The following GRIK4 variants were observed in gnomAD, a reference collection of about 807,000 sequenced individuals.
The protein encoded by GRIK4 is glutamate receptor ionotropic, kainate 4.
A neutral mutation model predicts 104.9 loss-of-function variants in GRIK4; 40 were observed. That is an observed-to-expected ratio of 0.38 (90% confidence interval 0.30 to 0.50). The LOEUF (loss-of-function observed/expected upper bound fraction) is 0.50. GRIK4 is among the 20% of genes least tolerant of loss of function. The probability of loss-of-function intolerance (pLI) is 0.93; values close to 1 mark genes in which losing one functional copy is unlikely to be tolerated. For synonymous variants in GRIK4, 485 were observed against 524.9 expected, an observed-to-expected ratio of 0.92 and a Z score of 1.04; for missense variants, 1,047 against 1,308.1, an observed-to-expected ratio of 0.80 and a Z score of 3.08.
At chr11:120,853,605 A>G (rs1186217646) in intron 8 of GRIK4, among the ~76,000 whole-genome samples, 3 of 152,248 alleles carry the variant, frequency 2.0e-5, no homozygotes, top group African/African-American at 7.2e-5. Context: ...GGGAGGATGC[A>G]TTCTAAATTC....
At chr11:120,955,417 C>T (rs559127518) in intron 15 of GRIK4, among the ~76,000 whole-genome samples, 8 of 152,366 alleles carry the variant, frequency 5.3e-5, no homozygotes, top group Admixed American at 3.9e-4. Context: ...AGGCCGAGTG[C>T]AGGACGGGAA....
chr11:120,554,707 C>T (rs1424180436), intron 1 of GRIK4, among the ~76,000 whole-genome samples: 1 of 152,082 alleles, frequency 6.6e-6, no homozygotes, highest in Non-Finnish European at 1.5e-5. Context: ...TACAGACGCC[C>T]GCCACCATGC....
At chr11:120,975,530 A>G (rs570373) in intron 19 of GRIK4, among the ~76,000 whole-genome samples, 27,497 of 152,178 alleles carry the variant, frequency 0.18, 2,617 homozygotes, top group East Asian at 0.27. Context: ...GCAGGTCACA[A>G]TTGTTAAGAC....
At chr11:120,611,132 G>A (rs1383214073) in intron 1 of GRIK4, among the ~76,000 whole-genome samples, 2 of 152,168 alleles carry the variant, frequency 1.3e-5, no homozygotes, top group African/African-American at 4.8e-5. Flanking sequence ...GGGGTGCAGA[G>A]ATCTAGGGAC....
intron 3 of GRIK4, among the ~76,000 whole-genome samples, chr11:120,782,715 G>T (rs746509027): frequency 6.6e-6 from 1 of 152,186 alleles, no homozygotes; most frequent in Non-Finnish European, 1.5e-5. Flanking sequence ...TGCTGAAGCA[G>T]GAGGGCTCTG....
intron 1 of GRIK4, among the ~76,000 whole-genome samples, chr11:120,531,013 G>A (rs1947918136): frequency 6.6e-6 from 1 of 152,344 alleles, no homozygotes. Context: ...TCTGCAGAGT[G>A]GGGGTGATGA....
At chr11:120,700,126 G>T (rs966146715) in intron 3 of GRIK4, among the ~76,000 whole-genome samples, 3 of 150,366 alleles carry the variant, frequency 2.0e-5, no homozygotes, top group East Asian at 1.9e-4. Flanking sequence ...CTCATAGTTG[G>T]TTTTTTTGTG....
chr11:120,988,376 C>G lies in GRIK4; in HGVS notation c.*2116C>G, dbSNP rs1944791239. The G allele has an allele frequency of 6.6e-6, 1 of 152,202 alleles. No individual in the cohort carries two copies. The highest frequency in any genetic ancestry group is 1.5e-5 in the Non-Finnish European group (1 of 68,052). The allele number at this position is 152,202 out of a possible 1,614,324, so 9.4% of individuals were successfully genotyped here. ...AGCTCCATCCTATGCTTCTCACAGA[C>G]AACGTGGTTCCTACTGTCAGATCAC... On this transcript the variant is annotated 3_prime_UTR_variant, in exon 21 of 21. Transcript: ENST00000527524.
chr11:120,580,369 G>A (rs577092807), intron 1 of GRIK4, among the ~76,000 whole-genome samples: 279 of 151,500 alleles, frequency 1.8e-3, no homozygotes, highest in Non-Finnish European at 2.9e-3. Context: ...TCCACCTCCC[G>A]GGTTCAAGTG....
rs1413861279 is a variant in GRIK4, at chr11:120,985,997, C to T, written c.2608C>T (p.Pro870Ser). ...CCGCCGGCGGCGCGCCGCAGTCCCG[C>T]CGCCCCGGCCCCCCATCCCCGAGGA... ...HPRRRRAAVP[P>S]PRPPIPEERR... Residue 870 changes from proline to serine, a missense_variant, in exon 21 of 21, where the codon CCG becomes TCG. Pro to Ser is a moderately conservative substitution (Grantham distance 74, BLOSUM62 -1). Coordinates refer to ENST00000527524, the MANE Select transcript of GRIK4 (RefSeq NM_014619.5). The T allele has an allele frequency of 6.5e-7, 1 of 1,530,604 alleles. No homozygotes were observed. Among genetic ancestry groups the T allele is most frequent in the Non-Finnish European group, 8.8e-7 (1 of 1,139,318 alleles). 94.8% of individuals were successfully genotyped at this position (1,530,604 alleles called of 1,614,324 possible). A position where few individuals can be genotyped will look rare whatever the true frequency, so the allele number is the denominator to read the frequency against.
At chr11:120,730,083 G>T (rs151118391) in intron 3 of GRIK4, among the ~76,000 whole-genome samples, 154 of 152,200 alleles carry the variant, frequency 1.0e-3, no homozygotes, top group African/African-American at 3.7e-3. Context: ...GGTGGGGCAC[G>T]GTGTCTCATG....
At chr11:120,814,754 G>A (rs1952899840) in intron 4 of GRIK4, among the ~76,000 whole-genome samples, 1 of 152,308 alleles carries the variant, frequency 6.6e-6, no homozygotes, top group African/African-American at 2.4e-5. Flanking sequence ...CCTGGGGGAG[G>A]GAACATGCCA....
At chr11:120,983,752 A>G (rs1277873172) in intron 20 of GRIK4, among the ~76,000 whole-genome samples, 1 of 152,224 alleles carries the variant, frequency 6.6e-6, no homozygotes, top group Non-Finnish European at 1.5e-5. Context: ...CCTATGCATG[A>G]ACCACTTACA....
At chr11:120,862,170 GCCCCTCT>G in intron 9 of GRIK4, 50 bp downstream of exon 9, 1 of 1,538,646 alleles carries the variant, frequency 6.5e-7, no homozygotes, top group Non-Finnish European at 8.9e-7. Context: ...TCTGCACATT[GCCCCTCT>G]GTGGGCCAAC....
chr11:120,782,474 A>G (rs1453032323), intron 3 of GRIK4, among the ~76,000 whole-genome samples: 4 of 152,030 alleles, frequency 2.6e-5, no homozygotes, highest in Non-Finnish European at 4.4e-5. Flanking sequence ...TTTAGTAGAG[A>G]CGGGGTTTCA....
rs12293780 is a variant in GRIK4, at chr11:120,730,333, G to C, written c.82+69933G>C. On this transcript the variant is annotated intron_variant, in intron 3 of 20. Coordinates refer to ENST00000527524, the MANE Select transcript of GRIK4 (RefSeq NM_014619.5). ...CAATTGCGCCACTGCACTCCAGCCT[G>C]GGTGACAAAGTGAGACCCTGTCTCA... Among the ~76,000 whole-genome samples, 1,239 of 152,240 alleles carry C rather than the reference G, an allele frequency of 8.1e-3. 21 individuals are homozygous for C. Among genetic ancestry groups the C allele is most frequent in the African/African-American group, 0.029 (1,189 of 41,540 alleles).
At chr11:120,615,663 G>C (rs1032072057) in intron 1 of GRIK4, among the ~76,000 whole-genome samples, 1 of 152,182 alleles carries the variant, frequency 6.6e-6, no homozygotes, top group Non-Finnish European at 1.5e-5. Flanking sequence ...TACTGGGCTT[G>C]GCTGGCACTC....
chr11:120,959,527 T>C (rs1944241856), intron 16 of GRIK4, among the ~76,000 whole-genome samples: 1 of 152,250 alleles, frequency 6.6e-6, no homozygotes, highest in South Asian at 2.1e-4. Context: ...TGATTCAGAA[T>C]TTGTGATTCT....
rs1555108841 is a variant in GRIK4 at position 120,986,312 on chromosome 11, CG to C, written c.*56del. ...GCCGGGCGGGGCGGGAGGGGAGGGGCGGGGCGGGCGCTGCTGTCAGCCGCCA... is the reference window on the plus strand; with the variant it reads ...GCCGGGCGGGGCGGGAGGGGAGGGGCGGGCGGGCGCTGCTGTCAGCCGCCA... On this transcript the variant is annotated 3_prime_UTR_variant, in exon 21 of 21. Transcript: ENST00000527524. The C allele has an allele frequency of 1.5e-6, 1 of 651,428 alleles. No individual in the cohort carries two copies. Among genetic ancestry groups the C allele is most frequent in the Non-Finnish European group, 2.2e-6 (1 of 447,172 alleles). The allele number at this position is 651,428 out of a possible 1,614,324, so 40.4% of individuals were successfully genotyped here. A position where few individuals can be genotyped will look rare whatever the true frequency, so the allele number is the denominator to read the frequency against.
Sources: gnomAD v4.1 joint callset for allele counts (sites outside exome capture counted in the v4.1 genomes callset) on GRCh38, gnomAD v4.1.1 for gene constraint, MANE v1.5 for transcripts, NCBI Gene and HGNC (gene_info 2026-07-23, HGNC 2026-07-21) for gene names.